Variants in PIK3CB observed in about 807,000 individuals in gnomAD.
The protein encoded by PIK3CB is phosphatidylinositol 4,5-bisphosphate 3-kinase catalytic subunit beta isoform.
A neutral mutation model predicts 136.8 loss-of-function variants in PIK3CB; 39 were observed. The observed-to-expected ratio is 0.29, with a 90% CI of 0.22 to 0.37. The LOEUF is 0.37. PIK3CB is among the 10% of genes least tolerant of loss of function. PIK3CB has a pLI of 1.00. For synonymous variants in PIK3CB, 428 were observed against 436.6 expected (o/e 0.98, Z 0.25); for missense variants, 868 against 1,275.4 (o/e 0.68, Z 4.87).
chr3:138,740,852 C>A (rs2045229606), intron 5 of PIK3CB, among the ~76,000 whole-genome samples: 1 of 152,028 alleles, frequency 6.6e-6, no homozygotes, highest in Non-Finnish European at 1.5e-5. Context: ...CCATGTTGCC[C>A]AACCTGGTCT....
At chr3:138,718,852 G>A (rs2044666151) in intron 8 of PIK3CB, among the ~76,000 whole-genome samples, 1 of 152,086 alleles carries the variant, frequency 6.6e-6, no homozygotes, top group Admixed American at 6.6e-5. Context: ...TCAGATGGTC[G>A]TAGGTGTGCA....
intron 19 of PIK3CB, among the ~76,000 whole-genome samples, chr3:138,675,739 T>C (rs2043629925): frequency 6.6e-6 from 1 of 152,122 alleles, no homozygotes; most frequent in African/African-American, 2.4e-5. Flanking sequence ...CCCAGATAAA[T>C]GAAAAGAGAG....
intron 2 of PIK3CB, among the ~76,000 whole-genome samples, chr3:138,771,436 T>A (rs1437626553): frequency 6.6e-6 from 1 of 152,056 alleles, no homozygotes; most frequent in Non-Finnish European, 1.5e-5. Context: ...GCCAGGATGG[T>A]GTCAATCTCC....
At chr3:138,670,050 A>G (rs1157088851) in intron 19 of PIK3CB, among the ~76,000 whole-genome samples, 1 of 152,232 alleles carries the variant, frequency 6.6e-6, no homozygotes, top group Non-Finnish European at 1.5e-5. Flanking sequence ...CTGGACAGAC[A>G]AGTTCCTTTT....
At chr3:138,701,162 T>G (rs1323585136) in intron 12 of PIK3CB, among the ~76,000 whole-genome samples, 4 of 151,570 alleles carry the variant, frequency 2.6e-5, no homozygotes, top group South Asian at 2.1e-4. Context: ...CTGAGGGATA[T>G]TCTATAAAAT....
rs545969983 is a variant in PIK3CB at position 138,653,783 on chromosome 3, A to G, written c.*1606T>C. 1.2e-4 allele frequency: 23 copies of G among 194,082 alleles called. No individual in the cohort carries two copies. The highest frequency in any genetic ancestry group is 5.1e-4 in the African/African-American group (22 of 43,072). The allele number at this position is 194,082 out of a possible 1,614,324, so 12.0% of individuals were successfully genotyped here. ...TTGGCTCAGTGCCAAGTAACTACCC[A>G]GACTTCAGGACACCTCCCATATGCA... is the stretch of plus-strand genomic sequence containing the variant. On this transcript the variant is annotated 3_prime_UTR_variant, in exon 24 of 24. Transcript: ENST00000674063.
chr3:138,795,322 TTAA>T (rs2046097182), intron 2 of PIK3CB, among the ~76,000 whole-genome samples: 2 of 112,350 alleles, frequency 1.8e-5, no homozygotes, highest in African/African-American at 7.4e-5. Flanking sequence ...ACTCTGTCTT[TTAA>T]AAAAAAAAAA....
At chr3:138,701,000 G>C (rs2044240869) in intron 12 of PIK3CB, among the ~76,000 whole-genome samples, 1 of 152,020 alleles carries the variant, frequency 6.6e-6, no homozygotes, top group Admixed American at 6.6e-5. Context: ...TACTAACCAA[G>C]GGATAACAGT....
intron 12 of PIK3CB, among the ~76,000 whole-genome samples, chr3:138,700,748 G>T (rs1048854642): frequency 6.7e-5 from 10 of 149,156 alleles, no homozygotes; most frequent in Non-Finnish European, 1.2e-4. Context: ...GATAGATAGA[G>T]ATAGAGTAGA....
rs757180416 is a variant in PIK3CB at position 138,665,077 on chromosome 3, G to A, written c.2631C>T (p.Asn877=). ...TAAGCCAGTTCAGAAGGGCATCTTTGTTGAAGGCTGCTGCAGCAGCCACAT... is the reference window on the plus strand; with the variant it reads ...TAAGCCAGTTCAGAAGGGCATCTTTATTGAAGGCTGCTGCAGCAGCCACAT... ...SSNVAAAAAF[N]KDALLNWLKE... The change falls in exon 20 of 24, where the codon AAC becomes AAT. Residue 877 remains asparagine, a synonymous_variant. Coordinates refer to ENST00000674063, the MANE Select transcript of PIK3CB (RefSeq NM_006219.3). The A allele has an allele frequency of 3.1e-6, 5 of 1,612,662 alleles. No homozygotes were observed. In the South Asian group the frequency reaches 5.5e-5, roughly 18 times the overall value.
At chr3:138,683,626 G>T in intron 18 of PIK3CB, 52 bp downstream of exon 18, 2 of 972,674 alleles carry the variant, frequency 2.1e-6, no homozygotes, top group Non-Finnish European at 3.3e-6. Flanking sequence ...AAGCAAAATG[G>T]CAACAAATGA....
intron 19 of PIK3CB, among the ~76,000 whole-genome samples, chr3:138,680,754 T>G (rs2043755822): frequency 6.6e-6 from 1 of 151,980 alleles, no homozygotes; most frequent in Admixed American, 6.6e-5. Context: ...AGTGGCATGA[T>G]CTCGCTCACC....
At chr3:138,748,676 GGGCA>G (rs1032130639) in intron 4 of PIK3CB, among the ~76,000 whole-genome samples, 30 of 152,256 alleles carry the variant, frequency 2.0e-4, no homozygotes, top group African/African-American at 6.7e-4. Flanking sequence ...GTGTTTTTAA[GGGCA>G]CCAGATATTT....
chr3:138,817,934 C>A (rs1476565381), intron 1 of PIK3CB, among the ~76,000 whole-genome samples: 4 of 152,070 alleles, frequency 2.6e-5, no homozygotes, highest in African/African-American at 9.7e-5. Context: ...CCAGCCTTGG[C>A]AACAGAATGA....
At chr3:138,713,533 T>A (rs1384612136) in intron 9 of PIK3CB, among the ~76,000 whole-genome samples, 3 of 152,010 alleles carry the variant, frequency 2.0e-5, no homozygotes, top group Middle Eastern at 3.4e-3. Flanking sequence ...TAGCTGAGTG[T>A]GGTAACGGGT....
intron 1 of PIK3CB, among the ~76,000 whole-genome samples, chr3:138,832,247 T>C (rs1419314620): frequency 6.6e-6 from 1 of 152,078 alleles, no homozygotes; most frequent in East Asian, 1.9e-4. Context: ...AGGTGCAAAA[T>C]GACAAATCAA....
intron 4 of PIK3CB, among the ~76,000 whole-genome samples, chr3:138,752,246 A>G (rs2045486717): frequency 6.6e-6 from 1 of 152,232 alleles, no homozygotes; most frequent in Admixed American, 6.5e-5. Context: ...TAGCCACATC[A>G]TCTTTCAGGA....
chr3:138,705,724 A>C (rs2044366416), intron 11 of PIK3CB, among the ~76,000 whole-genome samples: 1 of 152,214 alleles, frequency 6.6e-6, no homozygotes, highest in South Asian at 2.1e-4. Context: ...GGATTGAGGA[A>C]ATTAAATAAA....
chr3:138,826,682 T>C (rs780617912), intron 1 of PIK3CB, among the ~76,000 whole-genome samples: 3 of 151,082 alleles, frequency 2.0e-5, no homozygotes, highest in African/African-American at 7.3e-5. Flanking sequence ...GTTCAGAGCA[T>C]ACATACACAT....
Sources: gnomAD v4.1 joint callset for allele counts (sites outside exome capture counted in the v4.1 genomes callset) on GRCh38, gnomAD v4.1.1 for gene constraint, MANE v1.5 for transcripts, NCBI Gene and HGNC (gene_info 2026-07-23, HGNC 2026-07-21) for gene names.